Variants in PSMD11 observed in about 807,000 individuals in gnomAD.
The protein encoded by PSMD11 is proteasome 26S subunit, non-ATPase 11, also known as 26S proteasome non-ATPase regulatory subunit 11.
Under a neutral mutation model 62.3 loss-of-function variants are expected in PSMD11, and 5 were observed. The ratio of observed to expected loss-of-function variants is 0.08; its 90% CI spans 0.04 to 0.17. The LOEUF (loss-of-function observed/expected upper bound fraction) is 0.17, where lower values mean the gene tolerates loss of function less well. Ranked by LOEUF, PSMD11 falls within the 10% of genes least tolerant of loss-of-function variation. PSMD11 has a pLI of 1.00. For missense variants in PSMD11, 310 were observed against 512.9 expected, an observed-to-expected ratio of 0.60 and a Z score of 3.82; for synonymous variants, 191 against 191.8, an observed-to-expected ratio of 1.00 and a Z score of 0.03.
chr17:32,459,386 T>TTTTGTTTG (rs532214174), intron 3 of PSMD11, among the ~76,000 whole-genome samples: 2 of 151,598 alleles, frequency 1.3e-5, no homozygotes, highest in Admixed American at 6.6e-5. Context: ...GCCTGGCTAA[T>TTTTGTTTG]TTTGTTTGTT....
intron 3 of PSMD11, among the ~76,000 whole-genome samples, chr17:32,458,656 AT>A (rs1228645251): frequency 6.6e-6 from 1 of 152,192 alleles, no homozygotes; most frequent in Non-Finnish European, 1.5e-5. Flanking sequence ...AGCCTTCCTC[AT>A]TCCCAGTACA....
intron 5 of PSMD11, among the ~76,000 whole-genome samples, chr17:32,465,961 C>T (rs1476778437): frequency 2.6e-5 from 4 of 151,796 alleles, no homozygotes; most frequent in Non-Finnish European, 4.4e-5. Flanking sequence ...GGCAACAGAG[C>T]GAGACTCTGT....
Position 32,480,174 on chromosome 17 carries a change from T to C in PSMD11, c.1103T>C (p.Met368Thr). ...GACGTGGAAAGGAAATTATCACAGATGATTCTTGACAAGAAATTTCATGGT... is the reference window on the plus strand; with the variant it reads ...GACGTGGAAAGGAAATTATCACAGACGATTCTTGACAAGAAATTTCATGGT... Reference protein sequence around the residue: ...KADVERKLSQMILDKKFHGIL... With the variant: ...KADVERKLSQTILDKKFHGIL... The change falls in exon 12 of 14, where the codon ATG becomes ACG. Residue 368 changes from methionine (M) to threonine (T), a missense_variant. Physicochemically the swap from Met to Thr is moderately conservative, Grantham distance 81. Transcript: ENST00000261712. 6.2e-7 allele frequency: 1 copy of C among 1,614,010 alleles called. No homozygotes were observed. Among genetic ancestry groups the C allele is most frequent in the Non-Finnish European group, 8.5e-7 (1 of 1,179,848 alleles).
intron 5 of PSMD11, among the ~76,000 whole-genome samples, chr17:32,466,928 T>C (rs1478409647): frequency 6.6e-6 from 1 of 152,150 alleles, no homozygotes; most frequent in Admixed American, 6.5e-5. Flanking sequence ...TCGTATGTCT[T>C]GTTTTTTTGT....
At chr17:32,474,887 C>A in intron 8 of PSMD11, 63 bp downstream of exon 8, 2 of 1,434,042 alleles carry the variant, frequency 1.4e-6, no homozygotes, top group African/African-American at 1.4e-5. Flanking sequence ...AGAGTCACAA[C>A]GTTTGATGAG....
At chr17:32,472,208 G>T (rs1908183055) in intron 6 of PSMD11, among the ~76,000 whole-genome samples, 1 of 151,604 alleles carries the variant, frequency 6.6e-6, no homozygotes, top group Admixed American at 6.6e-5. Context: ...TCAGTAGGTT[G>T]GTGGAGTTGA....
rs889158553 is a variant in PSMD11, at chr17:32,480,962, T to TA, written c.*219dup. The TA allele has an allele frequency of 4.3e-4, 85 of 198,748 alleles. No individual in the cohort carries two copies. Among genetic ancestry groups the TA allele is most frequent in the East Asian group, 7.9e-4 (7 of 8,896 alleles). The allele number at this position is 198,748 out of a possible 1,614,324, so 12.3% of individuals were successfully genotyped here. A position where few individuals can be genotyped will look rare whatever the true frequency, so the allele number is the denominator to read the frequency against. On this transcript the variant is annotated 3_prime_UTR_variant, in exon 14 of 14. Transcript: ENST00000261712. Reference sequence around the variant, plus strand: ...CCAACTTGGGAGTGGGGAAATTGCTTAAAAAAAAAGAAAAAGAAAAAAAAA... The same window carrying TA: ...CCAACTTGGGAGTGGGGAAATTGCTTAAAAAAAAAAGAAAAAGAAAAAAAAA...
intron 1 of PSMD11, among the ~76,000 whole-genome samples, chr17:32,446,270 T>A (rs949189046): frequency 3.9e-5 from 6 of 152,220 alleles, no homozygotes. Flanking sequence ...ATTCCATGTT[T>A]GAATGTTAAA....
chr17:32,465,195 G>A lies in PSMD11; in HGVS notation c.448+617G>A, dbSNP rs369549064. On this transcript the variant is annotated intron_variant, in intron 5 of 13. Transcript: ENST00000261712. ...GAGTGCAGCAGTGTGATCTCAGCTC[G>A]CTGCAACCTCTGCCTTTCAGGTTCA... Among the ~76,000 whole-genome samples, 21 of 151,790 alleles carry A rather than the reference G, an allele frequency of 1.4e-4. No individual in the cohort carries two copies. In the East Asian group the frequency reaches 3.9e-3, roughly 28 times the overall value.
chr17:32,461,125 T>C (rs2150833323), intron 3 of PSMD11, among the ~76,000 whole-genome samples: 1 of 152,060 alleles, frequency 6.6e-6, no homozygotes, highest in South Asian at 2.1e-4. Flanking sequence ...TCGCCCGGGC[T>C]GGAGTGCAAT....
intron 12 of PSMD11, 139 bp downstream of exon 12, chr17:32,480,336 A>G: frequency 6.9e-7 from 1 of 1,441,692 alleles, no homozygotes; most frequent in Admixed American, 1.7e-5. Context: ...TGTGATGAGA[A>G]TGTGTAATAA....
intron 4 of PSMD11, 122 bp from the exon 5 acceptor site, chr17:32,464,399 T>C (rs1049126974): frequency 2.4e-6 from 2 of 822,834 alleles, no homozygotes; most frequent in South Asian, 1.8e-5. Flanking sequence ...TCTCTTATGC[T>C]GAATTTGATG....
chr17:32,466,054 G>T (rs1048941856), intron 5 of PSMD11, among the ~76,000 whole-genome samples: 1 of 152,136 alleles, frequency 6.6e-6, no homozygotes, highest in Non-Finnish European at 1.5e-5. Flanking sequence ...GGAGTGCAGG[G>T]GTGTGATGTT....
chr17:32,475,904 A>C (rs1267557888), intron 8 of PSMD11, among the ~76,000 whole-genome samples: 2 of 151,828 alleles, frequency 1.3e-5, no homozygotes, highest in Non-Finnish European at 1.5e-5. Flanking sequence ...CGCATCTTCC[A>C]GTATAGTAAT....
intron 10 of PSMD11, 178 bp from the exon 11 acceptor site, chr17:32,479,673 G>A: frequency 2.7e-6 from 2 of 744,772 alleles, no homozygotes; most frequent in Admixed American, 2.6e-5. Flanking sequence ...TCTGTTTATT[G>A]TGTGTAGCAG....
At chr17:32,475,758 C>T (rs1451135426) in intron 8 of PSMD11, among the ~76,000 whole-genome samples, 5 of 151,850 alleles carry the variant, frequency 3.3e-5, no homozygotes, top group African/African-American at 4.8e-5. Flanking sequence ...GCCACTATGC[C>T]CGGCTAATTT....
Position 32,480,273 on chromosome 17 carries a change from T to C in PSMD11, c.1126+76T>C. 2.6e-6 allele frequency: 4 copies of C among 1,556,478 alleles called. No individual in the cohort carries two copies. The South Asian group carries it at 3.3e-5, about 13-fold the overall frequency. On this transcript the variant is annotated intron_variant, in intron 12 of 13. Coordinates refer to ENST00000261712, the MANE Select transcript of PSMD11 (RefSeq NM_002815.4). ...TGAAGAAGTTTATTTTCAAAGAAGA[T>C]GTTCTATTTGTTTCCCCCGATGGTT...
chr17:32,478,872 G>A (rs566802447), intron 9 of PSMD11, among the ~76,000 whole-genome samples: 92 of 152,138 alleles, frequency 6.0e-4, no homozygotes, highest in Non-Finnish European at 1.1e-3. Context: ...ATGGTCCCTA[G>A]GGTGACTCCA....
chr17:32,479,186 AG>A, intron 9 of PSMD11, 64 bp from the exon 10 acceptor site: 1 of 1,582,146 alleles, frequency 6.3e-7, no homozygotes, highest in Non-Finnish European at 8.6e-7. Context: ...CTATCTAGGA[AG>A]CAGGAGTAGC....
Sources: allele counts gnomAD v4.1 joint callset (sites outside exome capture counted in the v4.1 genomes callset), GRCh38; gene constraint gnomAD v4.1.1; transcripts MANE v1.5; gene names NCBI Gene and HGNC (gene_info 2026-07-23, HGNC 2026-07-21).